SMCO2: variants seen among roughly 807,000 people sequenced by gnomAD.
The protein encoded by SMCO2 is single-pass membrane and coiled-coil domain-containing protein 2.
SMCO2 carries 25 observed loss-of-function variants against 29.5 expected under a neutral mutation model. That is an observed-to-expected ratio of 0.85 (90% CI 0.62 to 1.18). The LOEUF (loss-of-function observed/expected upper bound fraction) is 1.18. Ranked by LOEUF, SMCO2 falls within the 50% of genes most tolerant of loss-of-function variation. SMCO2 has a pLI of 0.00. For synonymous variants in SMCO2, 117 were observed against 123.3 expected (o/e 0.95, Z 0.34); for missense variants, 348 against 344.5 (o/e 1.01, Z -0.08).
chr12:27,490,150 G>A lies in SMCO2; in HGVS notation c.450+1603G>A, dbSNP rs73088332. ...GTCATTTGGATAAACTGCAGTACAC[G>A]TACGTGATGGAATACTACTCAGCAA... On this transcript the variant is annotated intron_variant, in intron 5 of 7. Transcript: ENST00000298876. Among the ~76,000 whole-genome samples, 255 of 152,268 alleles carry A rather than the reference G, an allele frequency of 1.7e-3. 1 individual carries two copies. The Middle Eastern group carries it at 0.02, about 12-fold the overall frequency.
intron 7 of SMCO2, among the ~76,000 whole-genome samples, chr12:27,500,263 C>A (rs996642834): frequency 6.7e-5 from 10 of 149,768 alleles, no homozygotes; most frequent in African/African-American, 2.5e-4. Context: ...TCAAATGATT[C>A]ATTACTGTCA....
chr12:27,443,772 G>A, the SMCO2 span, among the ~76,000 whole-genome samples: 3 of 151,996 alleles, frequency 2.0e-5, no homozygotes, highest in African/African-American at 7.2e-5. Flanking sequence ...CCAAAGAAGT[G>A]AAAGATCTAT....
intron 4 of SMCO2, among the ~76,000 whole-genome samples, chr12:27,476,733 A>G (rs972279394): frequency 6.6e-6 from 1 of 151,890 alleles, no homozygotes; most frequent in Non-Finnish European, 1.5e-5. Context: ...CTTTCAGTCT[A>G]CATGTGTCTT....
rs928965596 is a variant in SMCO2, at chr12:27,495,534, G to T, written c.508-146G>T. On this transcript the variant is annotated intron_variant, in intron 6 of 7. Transcript: ENST00000298876. ...GTCTGCTTCTATTCAAGATGCACCT[G>T]CCAATGATCTGTTCATGGGACCTAT... The T allele has an allele frequency of 1.9e-4, 116 of 618,516 alleles. 11 individuals are homozygous for T. In the African/African-American group the frequency reaches 2.1e-3, roughly 11 times the overall value. The allele number at this position is 618,516 out of a possible 1,614,324, so 38.3% of individuals were successfully genotyped here. A position where few individuals can be genotyped will look rare whatever the true frequency, so the allele number is the denominator to read the frequency against.
At chr12:27,459,584 A>G in the SMCO2 span, among the ~76,000 whole-genome samples, 2 of 152,292 alleles carry the variant, frequency 1.3e-5, no homozygotes, top group African/African-American at 4.8e-5. Context: ...CAATTTACCT[A>G]TATAACAAAT....
chr12:27,439,558 A>G, the SMCO2 span, among the ~76,000 whole-genome samples: 3 of 152,222 alleles, frequency 2.0e-5, no homozygotes, highest in Admixed American at 6.5e-5. Context: ...CAAGAATTCA[A>G]AACAGCAGTT....
Position 27,494,151 on chromosome 12 carries a change from T to C in SMCO2, c.451-149T>C, listed in dbSNP as rs1942967325. ...CAGTCTGCAATTTATGATTACACTA[T>C]GAATTTGCTCTAAGAGGAAGAAGTT... On this transcript the variant is annotated intron_variant, in intron 5 of 7. Coordinates refer to ENST00000298876, the Ensembl canonical transcript of SMCO2. The C allele has an allele frequency of 1.0e-5, 5 of 479,182 alleles. No individual in the cohort carries two copies. In the East Asian group the frequency reaches 1.9e-4, roughly 18 times the overall value. The allele number at this position is 479,182 out of a possible 1,614,324, so 29.7% of individuals were successfully genotyped here. A position where few individuals can be genotyped will look rare whatever the true frequency, so the allele number is the denominator to read the frequency against.
the SMCO2 span, among the ~76,000 whole-genome samples, chr12:27,433,520 C>G: frequency 1.3e-5 from 2 of 150,678 alleles, no homozygotes; most frequent in Non-Finnish European, 3.0e-5. Flanking sequence ...CACACACACA[C>G]ACACACACAC....
chr12:27,457,309 A>G, the SMCO2 span, among the ~76,000 whole-genome samples: 10 of 152,154 alleles, frequency 6.6e-5, no homozygotes, highest in Admixed American at 3.3e-4. Flanking sequence ...ATTCTTAATA[A>G]TTTTTGAACA....
chr12:27,494,458 C>G, intron 6 of SMCO2, 102 bp downstream of exon 7: 1 of 425,618 alleles, frequency 2.3e-6, no homozygotes, highest in South Asian at 5.9e-5. Flanking sequence ...GCACCACATA[C>G]TAGTCTCTTT....
chr12:27,440,709 G>A, the SMCO2 span, among the ~76,000 whole-genome samples: 1 of 117,530 alleles, frequency 8.5e-6, no homozygotes, highest in Non-Finnish European at 1.7e-5. Context: ...AGGATAAGTT[G>A]TTATCTCTTT....
In SMCO2 at chr12:27,499,917, A is replaced by G. The variant is rs143638991; in HGVS notation, c.684-2006A>G. Among the ~76,000 whole-genome samples the G allele has an allele frequency of 1.3e-5, 2 of 150,694 alleles. 1 individual carries two copies. The highest frequency in any genetic ancestry group is 5.0e-5 in the African/African-American group (2 of 40,338). ...ATTGATAATGTCCCCTAGTCCTTCC[A>G]TTCCCTTTATGGTCATCCCCTATGT... is the stretch of plus-strand genomic sequence containing the variant. On this transcript the variant is annotated intron_variant, in intron 7 of 7. Coordinates refer to ENST00000298876, the Ensembl canonical transcript of SMCO2.
intron 4 of SMCO2, among the ~76,000 whole-genome samples, chr12:27,487,928 A>G (rs1206444890): frequency 6.8e-6 from 1 of 146,118 alleles, no homozygotes; most frequent in Non-Finnish European, 1.5e-5. Flanking sequence ...TTCTAATTGG[A>G]TAGGTTTTTT....
In SMCO2 at chr12:27,501,955, A is replaced by T. The variant is rs762973661; in HGVS notation, c.716A>T (p.Asp239Val). Residue 239 changes from aspartate to valine, a missense_variant, in exon 8 of 8, where the codon GAT becomes GTT. Physicochemically the swap from Asp to Val is radical, Grantham distance 152 (BLOSUM62 -3). Coordinates refer to ENST00000298876, the Ensembl canonical transcript of SMCO2. ...GCACTGAGGATTTTCATCATGTTTG[A>T]TGTCCTCACCGTCACTGGACTTTTA... The T allele has an allele frequency of 2.8e-5, 44 of 1,544,270 alleles. 3 individuals are homozygous for T. In the African/African-American group the frequency reaches 6.1e-4, roughly 21 times the overall value.
the SMCO2 span, among the ~76,000 whole-genome samples, chr12:27,435,663 A>G: frequency 5.3e-5 from 8 of 150,924 alleles, no homozygotes; most frequent in Admixed American, 4.0e-4. Context: ...TACTCTGACA[A>G]TGTTCTCAAC....
chr12:27,483,955 A>G (rs1949666329), intron 4 of SMCO2, among the ~76,000 whole-genome samples: 1 of 152,126 alleles, frequency 6.6e-6, no homozygotes, highest in Admixed American at 6.5e-5. Context: ...ATGATTAACT[A>G]TTGTTTAAGG....
chr12:27,496,551 A>G (rs1453590004), intron 7 of SMCO2, among the ~76,000 whole-genome samples: 1 of 150,628 alleles, frequency 6.6e-6, no homozygotes, highest in Non-Finnish European at 1.5e-5. Context: ...ATGGTATTGG[A>G]AACACACTAC....
intron 1 of SMCO2, among the ~76,000 whole-genome samples, chr12:27,468,921 C>T (rs1021495380): frequency 1.1e-4 from 17 of 152,134 alleles, no homozygotes; most frequent in African/African-American, 3.6e-4. Flanking sequence ...ACTGCACAGA[C>T]ATAAGCCATT....
chr12:27,424,017 TTAA>T, the SMCO2 span: 1 of 152,212 alleles, frequency 6.6e-6, no homozygotes, highest in African/African-American at 2.4e-5. Context: ...AAATATCACA[TTAA>T]TAATTTTATA....
Sources: gnomAD v4.1 joint callset for allele counts (sites outside exome capture counted in the v4.1 genomes callset) on GRCh38, gnomAD v4.1.1 for gene constraint, MANE v1.5 for transcripts, NCBI Gene and HGNC (gene_info 2026-07-23, HGNC 2026-07-21) for gene names.